The following TRIOBP variants were observed in gnomAD, a reference collection of about 807,000 sequenced individuals.
TRIOBP encodes TRIO and F-actin-binding protein.
Under a neutral mutation model 238.8 loss-of-function variants are expected in TRIOBP, and 169 were observed. The observed-to-expected ratio is 0.71, with a 90% CI of 0.62 to 0.80. The LOEUF (loss-of-function observed/expected upper bound fraction) is 0.80, where lower values mean the gene tolerates loss of function less well. Among genes scored for constraint, TRIOBP ranks in the 30% least tolerant of loss-of-function variants. The pLI, the probability that TRIOBP is intolerant of heterozygous loss-of-function variation, is 0.00. For synonymous variants in TRIOBP, 1,150 were observed against 1,274.4 expected (o/e 0.90, Z 2.08); for missense variants, 2,838 against 3,122.6 (o/e 0.91, Z 2.17).
Position 37,755,161 on chromosome 22 carries a change from G to C in TRIOBP, c.5548G>C (p.Val1850Leu). 2 of 1,613,434 alleles carry C rather than the reference G, an allele frequency of 1.2e-6. No homozygotes were observed. The highest frequency in any genetic ancestry group is 1.7e-6 in the Non-Finnish European group (2 of 1,179,700). The change falls in exon 14 of 24, where the codon GTG becomes CTG. Residue 1850 changes from valine (V) to leucine (L), a missense_variant. By Grantham distance (32) the Val-to-Leu change is conservative. Around this residue, in one of 5 missense-constraint regions of TRIOBP, gnomAD observed 2,096 missense variants for 2,137.4 expected, o/e 0.98. Coordinates refer to ENST00000644935, the MANE Select transcript of TRIOBP (RefSeq NM_001039141.3). ...RSCTDVTEYA[V>L]QRNYGFQIHT... ...CTGCACGGATGTCACTGAGTACGCG[G>C]TGCAGCGCAACTATGGCTTCCAGAT...
At chr22:37,745,105 C>T (rs1347254811) in intron 11 of TRIOBP, among the ~76,000 whole-genome samples, 1 of 152,098 alleles carries the variant, frequency 6.6e-6, no homozygotes, top group African/African-American at 2.4e-5. Flanking sequence ...TCTCAATGAT[C>T]CACCCACCTC....
Position 37,757,959 on chromosome 22 carries a change from G to GC in TRIOBP, c.6040dup (p.Leu2014ProfsTer3). On this transcript the variant is annotated frameshift_variant, in exon 16 of 24. Transcript: ENST00000644935. LOFTEE classifies it high-confidence loss of function. ...TGAGGGGCCGCGCCGGGGCCTGGGT[G>GC]CCCCCCTGACTGAGGACCAGCAAAA... The GC allele has an allele frequency of 6.4e-7, 1 of 1,569,420 alleles. No homozygotes were observed. Among genetic ancestry groups the GC allele is most frequent in the South Asian group, 1.2e-5 (1 of 86,060 alleles).
chr22:37,707,964 A>AT (rs1352069800), intron 3 of TRIOBP, among the ~76,000 whole-genome samples: 1 of 110,194 alleles, frequency 9.1e-6, no homozygotes. Flanking sequence ...AAAAAAAAAA[A>AT]GGCCGGGCGT....
Position 37,734,703 on chromosome 22 carries a change from C to A in TRIOBP, c.4367C>A (p.Pro1456His). The A allele has an allele frequency of 6.2e-7, 1 of 1,607,390 alleles. No individual in the cohort carries two copies. Among genetic ancestry groups the A allele is most frequent in the Non-Finnish European group, 8.5e-7 (1 of 1,177,394 alleles). ...SWSSQEGGLG[P>H]GGWWGCGEPS... is the part of the protein sequence containing the mutation. ...AGCAGCCAGGAGGGAGGCCTGGGCCCTGGGGGCTGGTGGGGATGTGGAGAG... is the reference window on the plus strand; with the variant it reads ...AGCAGCCAGGAGGGAGGCCTGGGCCATGGGGGCTGGTGGGGATGTGGAGAG... Residue 1456 changes from proline to histidine, a missense_variant, in exon 9 of 24, where the codon CCT (proline) becomes CAT (histidine). Pro to His is a moderately conservative substitution (Grantham distance 77). Coordinates refer to ENST00000644935, the MANE Select transcript of TRIOBP (RefSeq NM_001039141.3).
chr22:37,730,058 T>A (rs1355176882), intron 7 of TRIOBP, among the ~76,000 whole-genome samples: 3 of 152,216 alleles, frequency 2.0e-5, no homozygotes, highest in Non-Finnish European at 4.4e-5. Context: ...TTAATTTTTT[T>A]TTCCTTAGAT....
intron 3 of TRIOBP, among the ~76,000 whole-genome samples, chr22:37,708,828 G>A (rs953605406): frequency 2.6e-5 from 4 of 152,204 alleles, no homozygotes; most frequent in Non-Finnish European, 1.5e-5. Context: ...GTGCTGACCC[G>A]CCAGACAGGA....
At chr22:37,765,593 TCTC>T (rs887362798) in intron 17 of TRIOBP, 74 bp from the exon 18 acceptor site, 23 of 1,540,702 alleles carry the variant, frequency 1.5e-5, no homozygotes, top group African/African-American at 9.6e-5. Flanking sequence ...CCCTGAGCCT[TCTC>T]CTCTGGAGGC....
intron 8 of TRIOBP, 89 bp from the exon 9 acceptor site, chr22:37,734,310 C>A: frequency 1.6e-6 from 2 of 1,249,778 alleles, no homozygotes; most frequent in Non-Finnish European, 2.3e-6. Context: ...GTGGACACAG[C>A]CTTGACTCTC....
chr22:37,746,206 A>T, intron 11 of TRIOBP: 5 of 1,003,230 alleles, frequency 5.0e-6, no homozygotes, highest in Non-Finnish European at 5.9e-6. Context: ...GGGTCCTCCC[A>T]GGAAGTTTGA....
chr22:37,726,487 TTCGGGCA>T lies in TRIOBP; in HGVS notation c.3932_3938del (p.Phe1311Ter). 1 of 1,528,792 alleles carries T rather than the reference TTCGGGCA, an allele frequency of 6.5e-7. No individual in the cohort carries two copies. Among genetic ancestry groups the T allele is most frequent in the Non-Finnish European group, 8.7e-7 (1 of 1,143,750 alleles). The allele number at this position is 1,528,792 out of a possible 1,614,324, so 94.7% of individuals were successfully genotyped here. ...TGGCCGTGCAGAGGTGGAGCGCCTC[TTCGGGCA>T]AGAGCGCAGGTGAGCCCGGGGGTGG... On this transcript the variant is annotated frameshift_variant, in exon 7 of 24. Transcript: ENST00000644935. LOFTEE classifies it high-confidence loss of function.
chr22:37,707,104 C>G (rs1922985279), intron 3 of TRIOBP, among the ~76,000 whole-genome samples: 1 of 152,000 alleles, frequency 6.6e-6, no homozygotes, highest in South Asian at 2.1e-4. Flanking sequence ...CCTGACTCTA[C>G]TAAAAATACA....
chr22:37,706,838 C>T (rs1922966388), intron 3 of TRIOBP, among the ~76,000 whole-genome samples: 1 of 151,570 alleles, frequency 6.6e-6, no homozygotes, highest in Admixed American at 6.6e-5. Context: ...CTTCCAGTTG[C>T]TCTGATGATG....
At chr22:37,741,145 C>T (rs1021705527) in intron 11 of TRIOBP, 113 bp downstream of exon 11, 85 of 1,395,468 alleles carry the variant, frequency 6.1e-5, no homozygotes, top group Non-Finnish European at 2.6e-5. Context: ...GAGGAGGCAC[C>T]TAGGGCCGTC....
intron 6 of TRIOBP, among the ~76,000 whole-genome samples, chr22:37,717,935 G>A (rs1396944600): frequency 6.6e-6 from 1 of 152,242 alleles, no homozygotes; most frequent in East Asian, 1.9e-4. Flanking sequence ...AGCCCACGGA[G>A]GCGGGGGGAA....
chr22:37,740,595 C>T (rs531857784), intron 10 of TRIOBP, among the ~76,000 whole-genome samples: 2 of 152,350 alleles, frequency 1.3e-5, no homozygotes, highest in South Asian at 2.1e-4. Context: ...TCTGAAAACA[C>T]TATGTGGGCA....
chr22:37,722,115 C>A (rs1225377584), intron 6 of TRIOBP, among the ~76,000 whole-genome samples: 2 of 152,178 alleles, frequency 1.3e-5, no homozygotes, highest in Non-Finnish European at 2.9e-5. Context: ...TCCCAGCTAC[C>A]AGTTTATAAA....
chr22:37,723,885 C>T lies in TRIOBP; in HGVS notation c.1329C>T (p.Pro443=), dbSNP rs1218441224. ...GGGACAATCCCAGAGCCTCCTCTCC[C>T]AGTAGAGCTACACGAGACAACCCCA... is the stretch of plus-strand genomic sequence containing the variant. ...AQRDNPRASS[P]SRATRDNPTT... Residue 443 remains proline (P), a synonymous_variant, in exon 7 of 24, where the codon CCC becomes CCT. Coordinates refer to ENST00000644935, the MANE Select transcript of TRIOBP (RefSeq NM_001039141.3). 2 of 1,586,494 alleles carry T rather than the reference C, an allele frequency of 1.3e-6. No individual in the cohort carries two copies. The highest frequency in any genetic ancestry group is 1.7e-6 in the Non-Finnish European group (2 of 1,165,556).
chr22:37,757,386 G>A (rs1277900131), intron 15 of TRIOBP, among the ~76,000 whole-genome samples: 1 of 152,060 alleles, frequency 6.6e-6, no homozygotes, highest in Non-Finnish European at 1.5e-5. Flanking sequence ...ACAAGAACGG[G>A]GGCGAGGGAA....
chr22:37,758,716 C>T (rs776780719), intron 16 of TRIOBP, among the ~76,000 whole-genome samples: 1 of 151,428 alleles, frequency 6.6e-6, no homozygotes, highest in Admixed American at 6.6e-5. Flanking sequence ...AGGGCGAGAC[C>T]GTTTATTGTT....
Sources: gnomAD v4.1 joint callset for allele counts (sites outside exome capture counted in the v4.1 genomes callset) on GRCh38, gnomAD v4.1.1 for gene constraint, gnomAD v4.1.1 regional missense constraint, MANE v1.5 for transcripts, NCBI Gene and HGNC (gene_info 2026-07-23, HGNC 2026-07-21) for gene names.